The following BMPR2 variants were observed in gnomAD, a reference collection of about 807,000 sequenced individuals.
BMPR2 encodes bone morphogenetic protein receptor type 2.
BMPR2 carries 29 observed loss-of-function variants against 100.8 expected under a neutral mutation model. The ratio of observed to expected loss-of-function variants is 0.29; its 90% confidence interval spans 0.21 to 0.39. The LOEUF (loss-of-function observed/expected upper bound fraction) is 0.39. Ranked by LOEUF, BMPR2 falls within the 10% of genes least tolerant of loss-of-function variation. The pLI is 1.00. For synonymous variants in BMPR2, 382 were observed against 442.3 expected (o/e 0.86, Z 1.71); for missense variants, 1,011 against 1,274.5 (o/e 0.79, Z 3.15).
chr2:202,490,837 T>C (rs1190368722), intron 3 of BMPR2, among the ~76,000 whole-genome samples: 2 of 152,266 alleles, frequency 1.3e-5, no homozygotes, highest in African/African-American at 2.4e-5. Context: ...GGGTCATCAG[T>C]GCCCTTGATA....
At chr2:202,513,389 A>G (rs1008443956) in intron 3 of BMPR2, among the ~76,000 whole-genome samples, 3 of 152,208 alleles carry the variant, frequency 2.0e-5, no homozygotes, top group African/African-American at 7.2e-5. Flanking sequence ...TTAAAACCAA[A>G]TGTGATTCTA....
intron 11 of BMPR2, among the ~76,000 whole-genome samples, chr2:202,553,211 A>G (rs555408845): frequency 2.6e-5 from 4 of 152,088 alleles, no homozygotes; most frequent in Non-Finnish European, 5.9e-5. Context: ...CTTCTATATA[A>G]ATTGTCTCAT....
At chr2:202,479,530 C>T (rs1441684543) in intron 3 of BMPR2, among the ~76,000 whole-genome samples, 5 of 152,048 alleles carry the variant, frequency 3.3e-5, no homozygotes, top group Non-Finnish European at 7.3e-5. Flanking sequence ...CCCGTTATCT[C>T]CCCTCTGCTC....
rs1688654273 is a variant in BMPR2, at chr2:202,560,106, A to T, written c.*160A>T. ...AAATAGATTTCAGCTATGCAGAAAAATTTAGCTTATGCTTCCATATTTTTA... is the reference window on the plus strand; with the variant it reads ...AAATAGATTTCAGCTATGCAGAAAATTTTAGCTTATGCTTCCATATTTTTA... On this transcript the variant is annotated 3_prime_UTR_variant, in exon 13 of 13. Coordinates refer to ENST00000374580, the MANE Select transcript of BMPR2 (RefSeq NM_001204.7). 11 of 904,062 alleles carry T rather than the reference A, an allele frequency of 1.2e-5. No individual in the cohort carries two copies. Among genetic ancestry groups the T allele is most frequent in the Non-Finnish European group, 1.3e-5 (8 of 612,782 alleles). The allele number at this position is 904,062 out of a possible 1,614,324, so 56.0% of individuals were successfully genotyped here. A position where few individuals can be genotyped will look rare whatever the true frequency, so the allele number is the denominator to read the frequency against.
rs1324687158 is a variant in BMPR2 at position 202,421,613 on chromosome 2, G to T, written c.77-43196G>T. Among the ~76,000 whole-genome samples, 30 of 147,740 alleles carry T rather than the reference G, an allele frequency of 2.0e-4. No individual in the cohort carries two copies. The Admixed American group carries it at 2.0e-3, about 10-fold the overall frequency. On this transcript the variant is annotated intron_variant, in intron 1 of 12. Transcript: ENST00000374580. ...GCGGACATTGTGCCACTGCACTCCAGCCTGGGCGACAGAGTGAGACTCCGT... is the reference window on the plus strand; with the variant it reads ...GCGGACATTGTGCCACTGCACTCCATCCTGGGCGACAGAGTGAGACTCCGT...
chr2:202,555,395 T>C lies in BMPR2; in HGVS notation c.1730T>C (p.Leu577Ser). ...GAGCATTCTATGTCCAGCACACCTT[T>C]GACTATAGGGGAAAAAAACCGAAAT... ...SSEHSMSSTP[L>S]TIGEKNRNSI... Residue 577 changes from leucine (L) to serine (S), a missense_variant, in exon 12 of 13, where the codon TTG (leucine) becomes TCG (serine). This residue lies in a region of BMPR2 where 508 missense variants were observed against 552.0 expected (regional missense o/e 0.92). Transcript: ENST00000374580. 6.2e-7 allele frequency: 1 copy of C among 1,614,174 alleles called. No individual in the cohort carries two copies. The highest frequency in any genetic ancestry group is 8.5e-7 in the Non-Finnish European group (1 of 1,180,044).
chr2:202,410,578 A>C (rs1390482364), intron 1 of BMPR2, among the ~76,000 whole-genome samples: 2 of 152,064 alleles, frequency 1.3e-5, no homozygotes, highest in East Asian at 3.9e-4. Flanking sequence ...CAGCCTATCT[A>C]TCTAGCTAGC....
intron 1 of BMPR2, among the ~76,000 whole-genome samples, chr2:202,390,619 A>T (rs1690527466): frequency 6.6e-6 from 1 of 152,178 alleles, no homozygotes; most frequent in Admixed American, 6.5e-5. Flanking sequence ...GGTGTGAGCC[A>T]CCGTGCTTGG....
chr2:202,479,385 T>TA (rs1341514866), intron 3 of BMPR2, among the ~76,000 whole-genome samples: 1 of 152,194 alleles, frequency 6.6e-6, no homozygotes, highest in Non-Finnish European at 1.5e-5. Context: ...TACAGTCTTG[T>TA]AAAAGATCCT....
At chr2:202,475,103 C>T (rs1306119761) in intron 3 of BMPR2, 3 of 152,122 alleles carry the variant, frequency 2.0e-5, no homozygotes, top group Non-Finnish European at 2.9e-5. Flanking sequence ...TTTTGTTTAA[C>T]ATAAATATTT....
intron 1 of BMPR2, among the ~76,000 whole-genome samples, chr2:202,407,637 C>T (rs1012748471): frequency 3.3e-5 from 5 of 150,448 alleles, no homozygotes; most frequent in South Asian, 2.1e-4. Context: ...GGCGTGGTGG[C>T]GGGCGCCTGT....
At chr2:202,417,555 G>A (rs1691160062) in intron 1 of BMPR2, among the ~76,000 whole-genome samples, 1 of 152,016 alleles carries the variant, frequency 6.6e-6, no homozygotes, top group Admixed American at 6.6e-5. Context: ...CGCCCGCCTT[G>A]GCCTCCCAGA....
rs192634289 is a variant in BMPR2 at position 202,560,469 on chromosome 2, G to C, written c.*523G>C. 30 of 162,554 alleles carry C rather than the reference G, an allele frequency of 1.8e-4. No individual in the cohort carries two copies. The highest frequency in any genetic ancestry group is 6.7e-4 in the African/African-American group (28 of 41,574). 10.1% of individuals were successfully genotyped at this position (162,554 alleles called of 1,614,324 possible). A position where few individuals can be genotyped will look rare whatever the true frequency, so the allele number is the denominator to read the frequency against. ...TTGTTTGAATGTGCAATAGTTTATA[G>C]GCCACAAATAAGCTTTCTTGTAAGC... On this transcript the variant is annotated 3_prime_UTR_variant, in exon 13 of 13. Transcript: ENST00000374580.
chr2:202,441,104 C>T (rs1210961871), intron 1 of BMPR2, among the ~76,000 whole-genome samples: 3 of 149,940 alleles, frequency 2.0e-5, no homozygotes, highest in Non-Finnish European at 4.4e-5. Flanking sequence ...CCTCAGCCTC[C>T]CGAGTAGCTG....
chr2:202,498,526 C>T (rs531126113), intron 3 of BMPR2, among the ~76,000 whole-genome samples: 27 of 150,538 alleles, frequency 1.8e-4, no homozygotes, highest in African/African-American at 1.7e-4. Flanking sequence ...GCTGCTGCGT[C>T]GGTGAGCACA....
At chr2:202,384,363 G>T (rs1036728708) in intron 1 of BMPR2, among the ~76,000 whole-genome samples, 1 of 152,140 alleles carries the variant, frequency 6.6e-6, no homozygotes, top group South Asian at 2.1e-4. Flanking sequence ...GGTGGACTTG[G>T]TGGAAAAATT....
chr2:202,438,282 C>T (rs959532858), intron 1 of BMPR2, among the ~76,000 whole-genome samples: 1 of 150,418 alleles, frequency 6.6e-6, no homozygotes, highest in Non-Finnish European at 1.5e-5. Flanking sequence ...CATTGCACTC[C>T]AGCCTGGGCA....
At chr2:202,543,370 C>T (rs1044229288) in intron 10 of BMPR2, among the ~76,000 whole-genome samples, 54 of 150,890 alleles carry the variant, frequency 3.6e-4, no homozygotes, top group African/African-American at 1.3e-3. Context: ...CAAATATACA[C>T]TCATATAATC....
chr2:202,525,857 CTTTTTTTT>C (rs386392340), intron 7 of BMPR2, among the ~76,000 whole-genome samples: 5 of 69,362 alleles, frequency 7.2e-5, no homozygotes, highest in African/African-American at 1.9e-4. Flanking sequence ...TTCAGAGCAT[CTTTTTTTT>C]TTTTTTTTTT....
Sources: gnomAD v4.1 joint callset for allele counts (sites outside exome capture counted in the v4.1 genomes callset) on GRCh38, gnomAD v4.1.1 for gene constraint, gnomAD v4.1.1 regional missense constraint, MANE v1.5 for transcripts, NCBI Gene and HGNC (gene_info 2026-07-23, HGNC 2026-07-21) for gene names.